CRACR2A: variants seen among roughly 807,000 people sequenced by gnomAD.
CRACR2A encodes calcium release activated channel regulator 2A, also known as EF-hand calcium-binding domain-containing protein 4B.
A neutral mutation model predicts 90.5 loss-of-function variants in CRACR2A; 79 were observed. That is an observed-to-expected ratio of 0.87 (90% CI 0.73 to 1.05). The LOEUF (loss-of-function observed/expected upper bound fraction) is 1.05. Among genes scored for constraint, CRACR2A ranks in the 50% least tolerant of loss-of-function variants. CRACR2A has a pLI of 0.00. For synonymous variants in CRACR2A, 338 were observed against 356.7 expected (o/e 0.95, Z 0.59); for missense variants, 823 against 897.2 (o/e 0.92, Z 1.06).
chr12:3,722,864 T>C (rs1946204503), intron 2 of CRACR2A, among the ~76,000 whole-genome samples: 1 of 152,172 alleles, frequency 6.6e-6, no homozygotes, highest in South Asian at 2.1e-4. Flanking sequence ...AAAACAGAAT[T>C]GGGAATCAGA....
intron 12 of CRACR2A, among the ~76,000 whole-genome samples, chr12:3,643,879 T>TA (rs1944631860): frequency 4.3e-5 from 2 of 46,836 alleles, no homozygotes; most frequent in Non-Finnish European, 7.4e-5. Flanking sequence ...ATTATATATA[T>TA]TTATATTAAT....
intron 12 of CRACR2A, among the ~76,000 whole-genome samples, chr12:3,643,175 C>A (rs1050803217): frequency 1.3e-5 from 2 of 152,176 alleles, no homozygotes; most frequent in East Asian, 3.9e-4. Flanking sequence ...AAGTCTTGCT[C>A]TAATAGTACA....
intron 3 of CRACR2A, among the ~76,000 whole-genome samples, chr12:3,707,095 C>A (rs139811123): frequency 4.4e-4 from 67 of 152,290 alleles, no homozygotes; most frequent in African/African-American, 1.5e-3. Flanking sequence ...ATTTTCCCTA[C>A]CCCAGGCCAC....
rs1273639647 is a variant in CRACR2A, at chr12:3,619,281, T to C, written c.2024A>G (p.Gln675Arg). The change falls in exon 18 of 20, where the codon CAG becomes CGG. Residue 675 changes from glutamine to arginine, a missense_variant. Gln to Arg is a conservative substitution (Grantham distance 43). Transcript: ENST00000440314. Reference sequence around the variant, plus strand: ...ATGCTTGCTCTTTACCGTGGCAAGCTGCTCTCCGAGGCCCCGGGGGACTTC... The same window carrying C: ...ATGCTTGCTCTTTACCGTGGCAAGCCGCTCTCCGAGGCCCCGGGGGACTTC... Reference protein sequence around the residue: ...EREVPRGLGEQLATENNLIFY... With the variant: ...EREVPRGLGERLATENNLIFY... The C allele has an allele frequency of 6.4e-7, 1 of 1,551,632 alleles. No homozygotes were observed. The highest frequency in any genetic ancestry group is 1.2e-5 in the South Asian group (1 of 84,066).
At position 3,685,075 on chromosome 12, in the gene CRACR2A, T is replaced by G. The variant is rs903530260; in HGVS notation, c.229-4726A>C. Among the ~76,000 whole-genome samples, 3 of 152,364 alleles carry G rather than the reference T, an allele frequency of 2.0e-5. No individual in the cohort carries two copies. The South Asian group carries it at 6.2e-4, about 32-fold the overall frequency. The stretch of plus-strand genomic sequence containing the variant: ...CACTCATTCCCTCCGGACCTCAGCA[T>G]GGGCTGGAACCTATCCCCAAGCATG... On this transcript the variant is annotated intron_variant, in intron 4 of 19. Coordinates refer to ENST00000440314, the MANE Select transcript of CRACR2A (RefSeq NM_001144958.2).
In CRACR2A at chr12:3,638,174, T is replaced by C. The variant is rs1156518985; in HGVS notation, c.1552A>G (p.Thr518Ala). The change falls in exon 14 of 20, where the codon ACC (threonine) becomes GCC (alanine). Residue 518 changes from threonine (T) to alanine (A), a missense_variant. By Grantham distance (58) the Thr-to-Ala change is moderately conservative. Coordinates refer to ENST00000440314, the MANE Select transcript of CRACR2A (RefSeq NM_001144958.2). ...QIPEAPPLKL[T>A]PTSPRGQPVG... ...GGCTGCCCTCGGGGGGATGTGGGGG[T>C]GAGTTTCAAGGGTGGGGCCTCCGGG... 6 of 1,548,954 alleles carry C rather than the reference T, an allele frequency of 3.9e-6. No homozygotes were observed. The highest frequency in any genetic ancestry group is 2.4e-5 in the South Asian group (2 of 84,004).
intron 11 of CRACR2A, among the ~76,000 whole-genome samples, chr12:3,645,282 G>C (rs1000294996): frequency 6.6e-6 from 1 of 152,198 alleles, no homozygotes; most frequent in African/African-American, 2.4e-5. Flanking sequence ...TTGAAGGAGC[G>C]GGAGAAGCAT....
At chr12:3,626,433 G>T (rs937561834) in intron 17 of CRACR2A, among the ~76,000 whole-genome samples, 4 of 152,212 alleles carry the variant, frequency 2.6e-5, no homozygotes, top group Non-Finnish European at 5.9e-5. Context: ...GGAGACACAG[G>T]CCAGTAAATA....
intron 4 of CRACR2A, among the ~76,000 whole-genome samples, chr12:3,687,949 C>T (rs1301957438): frequency 6.6e-6 from 1 of 151,862 alleles, no homozygotes; most frequent in African/African-American, 2.4e-5. Flanking sequence ...TCAGTGATGA[C>T]CTTTTTTTCA....
intron 17 of CRACR2A, 99 bp downstream of exon 17, chr12:3,627,337 C>A: frequency 2.3e-6 from 2 of 859,728 alleles, no homozygotes; most frequent in African/African-American, 1.7e-5. Context: ...AGTTCCGAAT[C>A]AGATTTTGAA....
intron 1 of CRACR2A, among the ~76,000 whole-genome samples, chr12:3,748,176 G>A (rs1946653534): frequency 6.6e-6 from 1 of 152,212 alleles, no homozygotes; most frequent in African/African-American, 2.4e-5. Context: ...CTCAGGCCCA[G>A]CCTCACATTT....
intron 15 of CRACR2A, among the ~76,000 whole-genome samples, chr12:3,632,227 GT>G (rs763626843): frequency 7.7e-4 from 117 of 152,236 alleles, no homozygotes; most frequent in Non-Finnish European, 7.9e-4. Context: ...ATAACTGTAA[GT>G]TTCCCAAGGC....
intron 17 of CRACR2A, among the ~76,000 whole-genome samples, chr12:3,626,427 A>G (rs1157392426): frequency 6.6e-6 from 1 of 152,216 alleles, no homozygotes; most frequent in Non-Finnish European, 1.5e-5. Flanking sequence ...CCAGTGGGAG[A>G]CACAGGCCAG....
At chr12:3,637,991 G>A (rs767686460) in intron 14 of CRACR2A, 133 bp downstream of exon 14, 8 of 856,430 alleles carry the variant, frequency 9.3e-6, no homozygotes, top group Non-Finnish European at 1.4e-5. Context: ...GGTATTTGGA[G>A]GACACATATG....
At chr12:3,629,701 G>A (rs143904063) in intron 15 of CRACR2A, among the ~76,000 whole-genome samples, 1 of 152,278 alleles carries the variant, frequency 6.6e-6, no homozygotes, top group Non-Finnish European at 1.5e-5. Context: ...AGAGTGTGCT[G>A]GAAAAATGTT....
intron 7 of CRACR2A, among the ~76,000 whole-genome samples, chr12:3,669,505 G>A (rs1945203869): frequency 6.7e-6 from 1 of 148,612 alleles, no homozygotes; most frequent in African/African-American, 2.4e-5. Flanking sequence ...CCCACAAGGG[G>A]CTCAAATCCG....
Position 3,638,230 on chromosome 12 carries a change from T to C in CRACR2A, c.1496A>G (p.Glu499Gly). The C allele has an allele frequency of 7.1e-6, 11 of 1,551,698 alleles. No individual in the cohort carries two copies. The highest frequency in any genetic ancestry group is 9.6e-6 in the Non-Finnish European group (11 of 1,146,976). The change falls in exon 14 of 20, where the codon GAG (glutamate) becomes GGG (glycine). Residue 499 changes from glutamate (E) to glycine (G), a missense_variant. Physicochemically the swap from Glu to Gly is moderately conservative, Grantham distance 98. Transcript: ENST00000440314. ...QPLSKCSEEE[E>G]VSDQGVQGQI... ...TCCCTGTACCCCCTGGTCAGAGACCTCTTCCTCTTCTGAGCATTTGCTCAG... is the reference window on the plus strand; with the variant it reads ...TCCCTGTACCCCCTGGTCAGAGACCCCTTCCTCTTCTGAGCATTTGCTCAG...
chr12:3,745,786 A>AAAAT (rs1946606838), intron 1 of CRACR2A, among the ~76,000 whole-genome samples: 3 of 5,900 alleles, frequency 5.1e-4, no homozygotes, highest in Admixed American at 2.7e-3. Flanking sequence ...CTCAAAAAAT[A>AAAAT]AAATAAAATA....
Position 3,615,401 on chromosome 12 carries a change from G to A in CRACR2A, c.2150C>T (p.Thr717Ile), listed in dbSNP as rs1388176779. Reference sequence around the variant, plus strand: ...CTTAGCAGGGTGGCCGACCTGAATGGTGTCCTCTCTCACTGTGTCTTCTTG... The same window carrying A: ...CTTAGCAGGGTGGCCGACCTGAATGATGTCCTCTCTCACTGTGTCTTCTTG... ...KEQEDTVRED[T>I]IQVGHPAKKK... The change falls in exon 20 of 20, where the codon ACC (threonine) becomes ATC (isoleucine). Residue 717 changes from threonine to isoleucine, a missense_variant. By Grantham distance (89) the Thr-to-Ile change is moderately conservative. Transcript: ENST00000440314. 1 of 1,551,416 alleles carries A rather than the reference G, an allele frequency of 6.4e-7. No individual in the cohort carries two copies. Among genetic ancestry groups the A allele is most frequent in the African/African-American group, 1.4e-5 (1 of 73,030 alleles).
Sources: gnomAD v4.1 joint callset for allele counts (sites outside exome capture counted in the v4.1 genomes callset) on GRCh38, gnomAD v4.1.1 for gene constraint, MANE v1.5 for transcripts, NCBI Gene and HGNC (gene_info 2026-07-23, HGNC 2026-07-21) for gene names.